The following BRIP1 variants were observed in gnomAD, a reference collection of about 807,000 sequenced individuals.
BRIP1 encodes Fanconi anemia group J protein.
BRIP1 carries 88 observed loss-of-function variants against 119.7 expected under a neutral mutation model. The observed-to-expected ratio is 0.74, with a 90% CI of 0.62 to 0.88. The LOEUF is 0.88. Ranked by LOEUF, BRIP1 falls within the 40% of genes least tolerant of loss-of-function variation. The pLI is 0.00. For missense variants in BRIP1, 1,259 were observed against 1,455.4 expected (o/e 0.87, Z 2.20); for synonymous variants, 443 against 496.5 (o/e 0.89, Z 1.43).
At chr17:61,787,051 T>A (rs2077729832) in intron 10 of BRIP1, among the ~76,000 whole-genome samples, 1 of 116,144 alleles carries the variant, frequency 8.6e-6, no homozygotes, top group South Asian at 2.5e-4. Context: ...TAAATTTATA[T>A]AAATTTATAA....
intron 4 of BRIP1, among the ~76,000 whole-genome samples, chr17:61,854,212 T>C (rs1442864993): frequency 2.0e-5 from 3 of 151,942 alleles, no homozygotes; most frequent in Non-Finnish European, 4.4e-5. Context: ...GGGGTTGCAA[T>C]GAGCCAAGTG....
At position 61,780,508 on chromosome 17, in the gene BRIP1, G is replaced by A. The variant is rs562507131; in HGVS notation, c.1795-107C>T. Reference sequence around the variant, plus strand: ...TTTGGGAGGCTGAAGCAGGAAGATCGCTTGAGTCTAGGAGTCTGAGACCAG... The same window carrying A: ...TTTGGGAGGCTGAAGCAGGAAGATCACTTGAGTCTAGGAGTCTGAGACCAG... On this transcript the variant is annotated intron_variant, in intron 12 of 19. Transcript: ENST00000259008. The surrounding 1 kb of genome is among the most constrained non-coding windows in gnomAD (Gnocchi z 5.4). 182 of 1,039,166 alleles carry A rather than the reference G, an allele frequency of 1.8e-4. No individual in the cohort carries two copies. Among genetic ancestry groups the A allele is most frequent in the South Asian group, 2.4e-4 (18 of 76,408 alleles). 64.4% of individuals were successfully genotyped at this position (1,039,166 alleles called of 1,614,324 possible).
intron 6 of BRIP1, among the ~76,000 whole-genome samples, chr17:61,819,225 A>G (rs1251098446): frequency 6.6e-6 from 1 of 152,150 alleles, no homozygotes; most frequent in African/African-American, 2.4e-5. Flanking sequence ...AACACAAGCA[A>G]TAACAAATGC....
Position 61,775,876 on chromosome 17 carries a change from TTC to T in BRIP1, c.2097+523_2097+524del, listed in dbSNP as rs1406444278. 6.4e-6 allele frequency: 1 copy of T among 155,126 alleles called. No individual in the cohort carries two copies. The highest frequency in any genetic ancestry group is 1.4e-5 in the Non-Finnish European group (1 of 69,924). The allele number at this position is 155,126 out of a possible 1,614,324, so 9.6% of individuals were successfully genotyped here. A position where few individuals can be genotyped will look rare whatever the true frequency, so the allele number is the denominator to read the frequency against. ...AATTAACATTGCTTGAAGACTTTTA[TTC>T]TTTCAGATTATTTTATTTTATTTTA... On this transcript the variant is annotated intron_variant, in intron 14 of 19. Coordinates refer to ENST00000259008, the MANE Select transcript of BRIP1 (RefSeq NM_032043.3). This position sits in a 1 kb window ranked among gnomAD's most constrained non-coding sequence, Gnocchi z 4.4.
In BRIP1 at chr17:61,776,306, A is replaced by AG; in HGVS notation, c.2097+94dup. 7.2e-7 allele frequency: 1 copy of AG among 1,395,098 alleles called. No individual in the cohort carries two copies. The highest frequency in any genetic ancestry group is 1.0e-6 in the Non-Finnish European group (1 of 985,066). 86.4% of individuals were successfully genotyped at this position (1,395,098 alleles called of 1,614,324 possible). A position where few individuals can be genotyped will look rare whatever the true frequency, so the allele number is the denominator to read the frequency against. On this transcript the variant is annotated intron_variant, in intron 14 of 19. Transcript: ENST00000259008. The surrounding 1 kb of genome is among the most constrained non-coding windows in gnomAD (Gnocchi z 5.0). ...GTTATTACCTTGTTGCCTCTACCCTAGGAAGCTTACTGTGGTAATTTTAAA... is the reference window on the plus strand; with the variant it reads ...GTTATTACCTTGTTGCCTCTACCCTAGGGAAGCTTACTGTGGTAATTTTAAA...
In BRIP1 at chr17:61,693,591, T is replaced by C. The variant is rs935935318; in HGVS notation, c.2493-79A>G. 8.2e-7 allele frequency: 1 copy of C among 1,226,832 alleles called. No homozygotes were observed. Among genetic ancestry groups the C allele is most frequent in the Non-Finnish European group, 1.2e-6 (1 of 837,512 alleles). The allele number at this position is 1,226,832 out of a possible 1,614,324, so 76.0% of individuals were successfully genotyped here. A position where few individuals can be genotyped will look rare whatever the true frequency, so the allele number is the denominator to read the frequency against. On this transcript the variant is annotated intron_variant, in intron 17 of 19. Coordinates refer to ENST00000259008, the MANE Select transcript of BRIP1 (RefSeq NM_032043.3). The surrounding 1 kb of genome is among the most constrained non-coding windows in gnomAD (Gnocchi z 4.2). Reference sequence around the variant, plus strand: ...TTTTCCAGTGGGACAGACAGAAAATTGGAAAAAAATCAATTTTATAGATTC... The same window carrying C: ...TTTTCCAGTGGGACAGACAGAAAATCGGAAAAAAATCAATTTTATAGATTC...
At position 61,679,661 on chromosome 17, in the gene BRIP1, A is replaced by G. The variant is rs548812634; in HGVS notation, c.*3635T>C. 7.2e-5 allele frequency among the ~76,000 whole-genome samples: 11 copies of G among 152,334 alleles called. No individual in the cohort carries two copies. The South Asian group carries it at 1.4e-3, about 20-fold the overall frequency. ...ATCACCTATATATCTATAGTTAGGG[A>G]AGCTTTCATATAGAGCAAGGGTGCA... On this transcript the variant is annotated 3_prime_UTR_variant, in exon 20 of 20. Transcript: ENST00000259008. The surrounding 1 kb of genome is among the most constrained non-coding windows in gnomAD (Gnocchi z 4.4).
chr17:61,772,328 C>T lies in BRIP1; in HGVS notation c.2097+4073G>A, dbSNP rs977812074. On this transcript the variant is annotated intron_variant, in intron 14 of 19. Coordinates refer to ENST00000259008, the MANE Select transcript of BRIP1 (RefSeq NM_032043.3). ...AACAAAGGACAAATACTGTATGATT[C>T]CACTTATATGAAGTAGCTACAATAG... is the stretch of plus-strand genomic sequence containing the variant. Among the ~76,000 whole-genome samples, 2 of 151,178 alleles carry T rather than the reference C, an allele frequency of 1.3e-5. 1 individual carries two copies. Among genetic ancestry groups the T allele is most frequent in the Admixed American group, 1.3e-4 (2 of 15,174 alleles).
At position 61,802,847 on chromosome 17, in the gene BRIP1, T is replaced by A. The variant is rs1210970706; in HGVS notation, c.919-1373A>T. Reference sequence around the variant, plus strand: ...GGTATTTTTAAGTTTCTTGAAAACATATAGTGAAATTATCCTCCAGAAAGT... The same window carrying A: ...GGTATTTTTAAGTTTCTTGAAAACAAATAGTGAAATTATCCTCCAGAAAGT... On this transcript the variant is annotated intron_variant, in intron 7 of 19. Transcript: ENST00000259008. This position sits in a 1 kb window ranked among gnomAD's most constrained non-coding sequence, Gnocchi z 6.0. Among the ~76,000 whole-genome samples the A allele has an allele frequency of 3.3e-5, 5 of 152,204 alleles. No individual in the cohort carries two copies. The highest frequency in any genetic ancestry group is 6.5e-5 in the Admixed American group (1 of 15,278).
At position 61,721,521 on chromosome 17, in the gene BRIP1, G is replaced by A. The variant is rs1017610128; in HGVS notation, c.2380-5458C>T. ...CTTGACCTCGTGATCCACCCGCCTCGGCCTCCCAAAGTGCTGGGATTACGG... is the reference window on the plus strand; with the variant it reads ...CTTGACCTCGTGATCCACCCGCCTCAGCCTCCCAAAGTGCTGGGATTACGG... On this transcript the variant is annotated intron_variant, in intron 16 of 19. Coordinates refer to ENST00000259008, the MANE Select transcript of BRIP1 (RefSeq NM_032043.3). Among the ~76,000 whole-genome samples, 14 of 151,420 alleles carry A rather than the reference G, an allele frequency of 9.2e-5. No individual in the cohort carries two copies. The South Asian group carries it at 1.7e-3, about 18-fold the overall frequency.
rs2061411551 is a variant in BRIP1 at position 61,689,267 on chromosome 17, C to T, written c.2576-3102G>A. ...CCACGTTGGCCAGGCTGGTCTTGAA[C>T]TCCTGACCTCAAGTGATCCACCTTC... On this transcript the variant is annotated intron_variant, in intron 18 of 19. Coordinates refer to ENST00000259008, the MANE Select transcript of BRIP1 (RefSeq NM_032043.3). The surrounding 1 kb of genome is among the most constrained non-coding windows in gnomAD (Gnocchi z 4.5). 6.6e-6 allele frequency among the ~76,000 whole-genome samples: 1 copy of T among 152,046 alleles called. No individual in the cohort carries two copies.
chr17:61,735,406 T>G lies in BRIP1; in HGVS notation c.2379+7607A>C, dbSNP rs1021516510. On this transcript the variant is annotated intron_variant, in intron 16 of 19. Transcript: ENST00000259008. The surrounding 1 kb of genome is among the most constrained non-coding windows in gnomAD (Gnocchi z 4.4). ...CTGACTGGGGCTAGAGAGCTTCCTATTGGCCTCTGGAAGTATACTGTCATG... is the reference window on the plus strand; with the variant it reads ...CTGACTGGGGCTAGAGAGCTTCCTAGTGGCCTCTGGAAGTATACTGTCATG... Among the ~76,000 whole-genome samples, 2 of 152,278 alleles carry G rather than the reference T, an allele frequency of 1.3e-5. No individual in the cohort carries two copies. Among genetic ancestry groups the G allele is most frequent in the Middle Eastern group, 3.4e-3 (1 of 294 alleles).
rs878855137 is a variant in BRIP1, at chr17:61,799,131, G to C, written c.1309C>G (p.Pro437Ala). The change falls in exon 9 of 20, where the codon CCC becomes GCC. Residue 437 changes from proline to alanine, a missense_variant. Transcript: ENST00000259008. The surrounding 1 kb of genome is among the most constrained non-coding windows in gnomAD (Gnocchi z 5.1). Reference protein sequence around the residue: ...NNNIRKKDHEPLRAVCCSLIN... With the variant: ...NNNIRKKDHEALRAVCCSLIN... ...AGGCTACAGCACACAGCTCGTAGGGGTTCATGATCTTTCTTCCTTATATTA... is the reference window on the plus strand; with the variant it reads ...AGGCTACAGCACACAGCTCGTAGGGCTTCATGATCTTTCTTCCTTATATTA... 6.2e-7 allele frequency: 1 copy of C among 1,613,558 alleles called. No homozygotes were observed. The highest frequency in any genetic ancestry group is 8.5e-7 in the Non-Finnish European group (1 of 1,179,590).
In BRIP1 at chr17:61,744,432, CTT is replaced by C. The variant is rs730881649; in HGVS notation, c.2255_2256del (p.Lys752ArgfsTer12). ...CGACCATGAAATAATTTCCAGTTACCTTTCTCTCCTTTGTATTTGATTGCGTC... is the reference window on the plus strand; with the variant it reads ...CGACCATGAAATAATTTCCAGTTACCTCTCTCCTTTGTATTTGATTGCGTC... The part of the protein sequence containing the change: ...YYDAIKYKGE[K>X]DGALLVAVCR... On this transcript the variant is annotated frameshift_variant and splice_region_variant, in exon 15 of 20. Coordinates refer to ENST00000259008, the MANE Select transcript of BRIP1 (RefSeq NM_032043.3). LOFTEE classifies it high-confidence loss of function. The surrounding 1 kb of genome is among the most constrained non-coding windows in gnomAD (Gnocchi z 5.0). 4.3e-5 allele frequency: 70 copies of C among 1,613,142 alleles called. No homozygotes were observed. Among genetic ancestry groups the C allele is most frequent in the Non-Finnish European group, 5.7e-5 (67 of 1,179,670 alleles).
intron 19 of BRIP1, chr17:61,685,572 T>C: frequency 2.0e-6 from 1 of 494,748 alleles, no homozygotes; most frequent in South Asian, 3.3e-5. Flanking sequence ...CTATTACGAC[T>C]CAAAAAGGAC....
In BRIP1 at chr17:61,715,925, AT is replaced by A. The variant is rs757121149; in HGVS notation, c.2492+25del. On this transcript the variant is annotated intron_variant, in intron 17 of 19. Transcript: ENST00000259008. ...TATATATAGCCCTGTCACAGATAAT[AT>A]TATATTAAATTTCACTCCACTTACC... The A allele has an allele frequency of 2.2e-6, 3 of 1,385,398 alleles. No homozygotes were observed. In the African/African-American group the frequency reaches 4.3e-5, roughly 20 times the overall value. The allele number at this position is 1,385,398 out of a possible 1,614,324, so 85.8% of individuals were successfully genotyped here.
rs988259015 is a variant in BRIP1, at chr17:61,726,283, A to G, written c.2380-10220T>C. ...TTACCTTAGAGAATTGGTTGAAGAA[A>G]TAAATGACAATATGCATGAAACAGT... On this transcript the variant is annotated intron_variant, in intron 16 of 19. Transcript: ENST00000259008. This position sits in a 1 kb window ranked among gnomAD's most constrained non-coding sequence, Gnocchi z 6.2. 6.6e-6 allele frequency among the ~76,000 whole-genome samples: 1 copy of G among 152,254 alleles called. No individual in the cohort carries two copies. Among genetic ancestry groups the G allele is most frequent in the Non-Finnish European group, 1.5e-5 (1 of 68,042 alleles).
In BRIP1 at chr17:61,762,962, G is replaced by A. The variant is rs2077299579; in HGVS notation, c.2097+13439C>T. Among the ~76,000 whole-genome samples the A allele has an allele frequency of 6.6e-6, 1 of 152,048 alleles. No individual in the cohort carries two copies. The highest frequency in any genetic ancestry group is 2.4e-5 in the African/African-American group (1 of 41,390). On this transcript the variant is annotated intron_variant, in intron 14 of 19. Coordinates refer to ENST00000259008, the MANE Select transcript of BRIP1 (RefSeq NM_032043.3). This position sits in a 1 kb window ranked among gnomAD's most constrained non-coding sequence, Gnocchi z 4.3. ...AGCATTGTTCATTTGGCTGGAATTG[G>A]AGAACATTATGCTAAGTGAAATAAG...
rs60657820 is a variant in BRIP1 at position 61,681,206 on chromosome 17, C to G, written c.*2090G>C. On this transcript the variant is annotated 3_prime_UTR_variant, in exon 20 of 20. Coordinates refer to ENST00000259008, the MANE Select transcript of BRIP1 (RefSeq NM_032043.3). This position sits in a 1 kb window ranked among gnomAD's most constrained non-coding sequence, Gnocchi z 5.1. ...AACTACAATTCAAGATGAGATCTGG[C>G]TGGGGACATAGCCAAACCACGTCAC... is the stretch of plus-strand genomic sequence containing the variant. 0.37 allele frequency: 74,243 copies of G among 199,364 alleles called. 14,460 individuals are homozygous for G. Among genetic ancestry groups the G allele is most frequent in the African/African-American group, 0.5 (21,765 of 43,226 alleles). 12.3% of individuals were successfully genotyped at this position (199,364 alleles called of 1,614,324 possible).
Sources: allele counts gnomAD v4.1 joint callset (sites outside exome capture counted in the v4.1 genomes callset), GRCh38; gene constraint gnomAD v4.1.1; non-coding constraint Gnocchi (gnomAD v3.1); transcripts MANE v1.5; gene names NCBI Gene and HGNC (gene_info 2026-07-23, HGNC 2026-07-21).